TUSC3: variants seen among roughly 807,000 people sequenced by gnomAD.
TUSC3 encodes the protein tumor suppressor candidate 3.
In TUSC3, 45 loss-of-function variants were observed where a neutral mutation model predicts 44.8. The ratio of observed to expected loss-of-function variants is 1.00; its 90% confidence interval spans 0.79 to 1.29. TUSC3 has a LOEUF of 1.29. Among genes scored for constraint, TUSC3 ranks in the 50% most tolerant of loss-of-function variants. The pLI, the probability that TUSC3 is intolerant of heterozygous loss-of-function variation, is 0.00. For synonymous variants in TUSC3, 212 were observed against 152.9 expected (o/e 1.39, Z -2.85); for missense variants, 519 against 437.9 (o/e 1.19, Z -1.65).
intron 6 of TUSC3, among the ~76,000 whole-genome samples, chr8:15,684,671 A>G (rs1808555822): frequency 6.6e-6 from 1 of 152,122 alleles, no homozygotes; most frequent in South Asian, 2.1e-4. Flanking sequence ...AGCCCATGCC[A>G]CAGTCTTCTC....
chr8:15,848,453 G>C, the TUSC3 span, among the ~76,000 whole-genome samples: 2 of 152,330 alleles, frequency 1.3e-5, no homozygotes, highest in Admixed American at 1.3e-4. Context: ...ACCCAGGGCA[G>C]GCTGCTTTGT....
intron 1 of TUSC3, among the ~76,000 whole-genome samples, chr8:15,541,810 G>A (rs576767512): frequency 1.8e-5 from 2 of 113,378 alleles, no homozygotes; most frequent in East Asian, 2.1e-4. Context: ...AGGAGTTCAC[G>A]AGAAAGGTAG....
At chr8:15,758,146 A>T in intron 10 of TUSC3, 5 of 1,119,858 alleles carry the variant, frequency 4.5e-6, no homozygotes, top group Non-Finnish European at 5.5e-6. Flanking sequence ...GTTTGTTATC[A>T]CTTAGGGAAA....
At chr8:15,834,790 C>A in the TUSC3 span, among the ~76,000 whole-genome samples, 3 of 152,028 alleles carry the variant, frequency 2.0e-5, no homozygotes, top group African/African-American at 7.2e-5. Flanking sequence ...TGTATGCTAC[C>A]ATTTACATAG....
chr8:15,420,211 A>C (rs1406354808), intron 1 of TUSC3, among the ~76,000 whole-genome samples: 1 of 152,032 alleles, frequency 6.6e-6, no homozygotes, highest in Admixed American at 6.6e-5. Flanking sequence ...TAAGAGTTCT[A>C]TGTGGCCAGG....
chr8:15,536,806 T>G (rs1011526763), upstream of TUSC3, among the ~76,000 whole-genome samples: 2 of 151,498 alleles, frequency 1.3e-5, no homozygotes, highest in African/African-American at 4.8e-5. Flanking sequence ...GACTAAGCTC[T>G]GATTTTCTAT....
intron 2 of TUSC3, among the ~76,000 whole-genome samples, chr8:15,524,538 A>G (rs544133550): frequency 1.3e-5 from 2 of 152,218 alleles, no homozygotes; most frequent in Non-Finnish European, 1.5e-5. Flanking sequence ...TGTGGAAATG[A>G]TATCCAATAT....
intron 1 of TUSC3, among the ~76,000 whole-genome samples, chr8:15,553,572 AAATG>A (rs1802130384): frequency 6.6e-6 from 1 of 151,294 alleles, no homozygotes; most frequent in African/African-American, 2.4e-5. Context: ...CAAAAGTGAT[AAATG>A]TTGACCACTG....
intron 3 of TUSC3, among the ~76,000 whole-genome samples, chr8:15,653,405 T>G (rs533489978): frequency 6.6e-6 from 1 of 152,360 alleles, no homozygotes; most frequent in South Asian, 2.1e-4. Flanking sequence ...ATTATTATCT[T>G]TGTGTTGAGT....
chr8:15,581,240 C>G (rs1397495996), intron 1 of TUSC3, among the ~76,000 whole-genome samples: 1 of 133,120 alleles, frequency 7.5e-6, no homozygotes, highest in Admixed American at 7.6e-5. Context: ...TCAAAGTTTT[C>G]AACTTCTTTG....
the TUSC3 span, among the ~76,000 whole-genome samples, chr8:15,831,092 C>T: frequency 6.6e-6 from 1 of 152,122 alleles, no homozygotes; most frequent in Admixed American, 6.6e-5. Flanking sequence ...CAACCCAGCA[C>T]ATTGTATTCC....
intron 5 of TUSC3, among the ~76,000 whole-genome samples, chr8:15,663,337 A>C (rs555766618): frequency 3.3e-5 from 5 of 151,954 alleles, no homozygotes; most frequent in South Asian, 2.1e-4. Context: ...ATATAACTAC[A>C]TACAATGTAT....
At chr8:15,574,698 C>T (rs1429261240) in intron 1 of TUSC3, among the ~76,000 whole-genome samples, 1 of 152,032 alleles carries the variant, frequency 6.6e-6, no homozygotes, top group African/African-American at 2.4e-5. Flanking sequence ...TATTTGATAG[C>T]TAACATTTTT....
chr8:15,626,439 T>C (rs1805512504), intron 2 of TUSC3, among the ~76,000 whole-genome samples: 2 of 152,148 alleles, frequency 1.3e-5, no homozygotes, highest in African/African-American at 4.8e-5. Context: ...GAGCAGACAG[T>C]AGCCCTACCC....
intron 1 of TUSC3, among the ~76,000 whole-genome samples, chr8:15,472,196 TCTTAA>T (rs1201083204): frequency 3.9e-5 from 6 of 152,170 alleles, no homozygotes; most frequent in Non-Finnish European, 7.3e-5. Context: ...AAAATACAAG[TCTTAA>T]CTTAATGCCT....
chr8:15,767,498 C>A (rs1033828705), downstream of TUSC3, among the ~76,000 whole-genome samples: 1 of 150,562 alleles, frequency 6.6e-6, no homozygotes, highest in South Asian at 2.1e-4. Flanking sequence ...AAAAGTTTAC[C>A]AAACCACTGT....
intron 6 of TUSC3, among the ~76,000 whole-genome samples, chr8:15,702,805 A>G (rs1585247122): frequency 6.6e-6 from 1 of 152,278 alleles, no homozygotes; most frequent in African/African-American, 2.4e-5. Flanking sequence ...AACAAAAAAT[A>G]CAACTAACTT....
intron 6 of TUSC3, among the ~76,000 whole-genome samples, chr8:15,721,362 GTTTTT>G (rs960508455): frequency 1.3e-5 from 2 of 150,428 alleles, no homozygotes; most frequent in Admixed American, 1.3e-4. Flanking sequence ...AGCCATAAAA[GTTTTT>G]TTTGTTTTGC....
chr8:15,601,281 C>A (rs534846689), intron 1 of TUSC3, among the ~76,000 whole-genome samples: 1 of 151,602 alleles, frequency 6.6e-6, no homozygotes, highest in East Asian at 1.9e-4. Flanking sequence ...GCATTGTTTC[C>A]CCCCCGTTGC....
Sources: allele counts gnomAD v4.1 joint callset (sites outside exome capture counted in the v4.1 genomes callset), GRCh38; gene constraint gnomAD v4.1.1; transcripts MANE v1.5; gene names NCBI Gene and HGNC (gene_info 2026-07-23, HGNC 2026-07-21).